Variants in PROP1 observed in about 807,000 individuals in gnomAD.
PROP1 encodes the protein homeobox protein prophet of Pit-1.
Under a neutral mutation model 22.3 loss-of-function variants are expected in PROP1, and 12 were observed. That is an observed-to-expected ratio of 0.54 (90% CI 0.34 to 0.87). The LOEUF (loss-of-function observed/expected upper bound fraction) is 0.87. PROP1 is among the 40% of genes least tolerant of loss of function. The pLI, the probability that PROP1 is intolerant of heterozygous loss-of-function variation, is 0.01. For synonymous variants in PROP1, 112 were observed against 116.7 expected (o/e 0.96, Z 0.26); for missense variants, 278 against 295.1 (o/e 0.94, Z 0.43).
chr5:177,993,058 G>A lies in PROP1; in HGVS notation c.343-11C>T, dbSNP rs781223542. ...GTTCTGGAACCAGACCTGAGAAGGGGTAGGAACCACATCAGAGCCCACACT... is the reference window on the plus strand; with the variant it reads ...GTTCTGGAACCAGACCTGAGAAGGGATAGGAACCACATCAGAGCCCACACT... On this transcript the variant is annotated splice_polypyrimidine_tract_variant and intron_variant, in intron 2 of 2. Coordinates refer to ENST00000308304, the MANE Select transcript of PROP1 (RefSeq NM_006261.5). 1.5e-5 allele frequency: 24 copies of A among 1,609,508 alleles called. No homozygotes were observed. In the Admixed American group the frequency reaches 4.0e-4, roughly 27 times the overall value.
chr5:177,995,620 G>T (rs1479270668), intron 1 of PROP1, among the ~76,000 whole-genome samples: 1 of 152,156 alleles, frequency 6.6e-6, no homozygotes, highest in Non-Finnish European at 1.5e-5. Context: ...CTGTTCAGCC[G>T]CCCCCTCCTG....
At position 177,995,859 on chromosome 5, in the gene PROP1, T is replaced by C; in HGVS notation, c.75A>G (p.Arg25=). 1 of 1,613,936 alleles carries C rather than the reference T, an allele frequency of 6.2e-7. No individual in the cohort carries two copies. Among genetic ancestry groups the C allele is most frequent in the Non-Finnish European group, 8.5e-7 (1 of 1,179,994 alleles). The change falls in exon 1 of 3, where the codon AGA becomes AGG. Residue 25 remains arginine, a synonymous_variant. Transcript: ENST00000308304. ...GRVGSNLLPE[R]HPATGTPTTT... ...TGGTCGGGGTCCCAGTGGCCGGGTG[T>C]CTCTCAGGCAACAGGTTGCTGCCGA...
intron 1 of PROP1, 63 bp from the exon 2 acceptor site, chr5:177,994,401 T>G: frequency 7.1e-7 from 1 of 1,404,426 alleles, no homozygotes; most frequent in Non-Finnish European, 9.7e-7. Context: ...CTGGACCACA[T>G]GTGCCTGTCC....
Position 177,995,535 on chromosome 5 carries a change from G to C in PROP1, c.109+290C>G, listed in dbSNP as rs4610479. Among the ~76,000 whole-genome samples, 84,601 of 150,566 alleles carry C rather than the reference G, an allele frequency of 0.56. 24,062 individuals carry two copies. The highest frequency in any genetic ancestry group is 0.6 in the Non-Finnish European group (40,674 of 67,636). On this transcript the variant is annotated intron_variant, in intron 1 of 2. Coordinates refer to ENST00000308304, the MANE Select transcript of PROP1 (RefSeq NM_006261.5). ...GCTCCCTTCATCAGAGAAGGCAGTG[G>C]CTTGGGCTAACCAACTCTGAGGTCA... is the stretch of plus-strand genomic sequence containing the variant.
In PROP1 at chr5:177,995,935, G is replaced by T; in HGVS notation, c.-2C>A. On this transcript the variant is annotated 5_prime_UTR_variant, in exon 1 of 3. Coordinates refer to ENST00000308304, the MANE Select transcript of PROP1 (RefSeq NM_006261.5). Reference sequence around the variant, plus strand: ...CTGGCGCCTCCTTTCTGCTTCCATGGCTCGCCACGGGGACCAAGTGTCCCT... The same window carrying T: ...CTGGCGCCTCCTTTCTGCTTCCATGTCTCGCCACGGGGACCAAGTGTCCCT... The T allele has an allele frequency of 6.2e-7, 1 of 1,611,622 alleles. No homozygotes were observed. Among genetic ancestry groups the T allele is most frequent in the Non-Finnish European group, 8.5e-7 (1 of 1,178,610 alleles).
Position 177,994,116 on chromosome 5 carries a change from G to A in PROP1, c.332C>T (p.Ala111Val), listed in dbSNP as rs1232006876. The change falls in exon 2 of 3, where the codon GCC becomes GTC. Residue 111 changes from alanine (A) to valine (V), a missense_variant. Coordinates refer to ENST00000308304, the MANE Select transcript of PROP1 (RefSeq NM_006261.5). ...ATCCTGGAGCATCACCTGGATTCGG[G>A]CCTCACTGAGGCCAGTGTCCCGGGC... is the stretch of plus-strand genomic sequence containing the variant. ...SLARDTGLSE[A>V]RIQVWFQNRR... 7 of 1,614,100 alleles carry A rather than the reference G, an allele frequency of 4.3e-6. No individual in the cohort carries two copies. The highest frequency in any genetic ancestry group is 5.9e-6 in the Non-Finnish European group (7 of 1,179,972).
rs772957734 is a variant in PROP1, at chr5:177,992,974, G to A, written c.416C>T (p.Ser139Phe). The stretch of plus-strand genomic sequence containing the variant: ...CAAGAAGCTGGAAAAGGCGGCAGGA[G>A]ACAGATGGGCCAGAGGCTGAAGCAG... ...RSLLQPLAHL[S>F]PAAFSSFLPE... The change falls in exon 3 of 3, where the codon TCT (serine) becomes TTT (phenylalanine). Residue 139 changes from serine (S) to phenylalanine (F), a missense_variant. By Grantham distance (155) the Ser-to-Phe change is radical. Coordinates refer to ENST00000308304, the MANE Select transcript of PROP1 (RefSeq NM_006261.5). 2 of 1,613,972 alleles carry A rather than the reference G, an allele frequency of 1.2e-6. No homozygotes were observed. Among genetic ancestry groups the A allele is most frequent in the Non-Finnish European group, 1.7e-6 (2 of 1,180,022 alleles).
At position 177,992,800 on chromosome 5, in the gene PROP1, G is replaced by A. The variant is rs1266058963; in HGVS notation, c.590C>T (p.Thr197Ile). 6.2e-7 allele frequency: 1 copy of A among 1,606,922 alleles called. No individual in the cohort carries two copies. Among genetic ancestry groups the A allele is most frequent in the Non-Finnish European group, 8.5e-7 (1 of 1,176,910 alleles). The change falls in exon 3 of 3, where the codon ACC (threonine) becomes ATC (isoleucine). Residue 197 changes from threonine to isoleucine, a missense_variant. By Grantham distance (89) the Thr-to-Ile change is moderately conservative. Transcript: ENST00000308304. ...LSHQSEDWYP[T>I]LHPAPAGHLP... Reference sequence around the variant, plus strand: ...ATGGCCGGCAGGGGCTGGGTGCAAGGTAGGGTACCAGTCCTCAGACTGGTG... The same window carrying A: ...ATGGCCGGCAGGGGCTGGGTGCAAGATAGGGTACCAGTCCTCAGACTGGTG...
chr5:177,994,015 T>A, intron 2 of PROP1, 91 bp downstream of exon 2: 1 of 1,382,016 alleles, frequency 7.2e-7, no homozygotes, highest in Non-Finnish European at 1.0e-6. Context: ...CTGGTGACCA[T>A]TTAGGTTAGG....
chr5:177,993,776 A>C (rs913902790), intron 2 of PROP1, among the ~76,000 whole-genome samples: 61 of 152,254 alleles, frequency 4.0e-4, no homozygotes, highest in African/African-American at 1.4e-3. Context: ...CATGTTAACC[A>C]GGCTGGTCTC....
chr5:177,992,644 C>T lies in PROP1; in HGVS notation c.*65G>A. On this transcript the variant is annotated 3_prime_UTR_variant, in exon 3 of 3. Coordinates refer to ENST00000308304, the MANE Select transcript of PROP1 (RefSeq NM_006261.5). ...CACCCATAGATGGAAAGGAAGCCAC[C>T]CCATTTTCTTGTCTTTTCACGAGGG... The T allele has an allele frequency of 8.7e-7, 1 of 1,146,628 alleles. No homozygotes were observed. The highest frequency in any genetic ancestry group is 1.2e-6 in the Non-Finnish European group (1 of 801,286). The allele number at this position is 1,146,628 out of a possible 1,614,324, so 71.0% of individuals were successfully genotyped here.
At position 177,993,011 on chromosome 5, in the gene PROP1, G is replaced by T. The variant is rs1416566937; in HGVS notation, c.379C>A (p.Gln127Lys). The change falls in exon 3 of 3, where the codon CAA (glutamine) becomes AAA (lysine). Residue 127 changes from glutamine (Q) to lysine (K), a missense_variant. Transcript: ENST00000308304. The stretch of plus-strand genomic sequence containing the variant: ...AGAGGCTGAAGCAGTGAGCGCTCTT[G>T]CTTCCGTTGCTTAGCTCTGCGGTTC... Reference protein sequence around the residue: ...FQNRRAKQRKQERSLLQPLAH... With the variant: ...FQNRRAKQRKKERSLLQPLAH... The T allele has an allele frequency of 6.2e-7, 1 of 1,613,928 alleles. No homozygotes were observed. The highest frequency in any genetic ancestry group is 8.5e-7 in the Non-Finnish European group (1 of 1,179,966).
Position 177,996,213 on chromosome 5 carries a change from T to C in PROP1, c.-280A>G, listed in dbSNP as rs1755765768. Reference sequence around the variant, plus strand: ...GTTGCTCTGTTTCTGACTACTTTTCTCTGCCTGGCCCTTCTCCCCACCGGG... The same window carrying C: ...GTTGCTCTGTTTCTGACTACTTTTCCCTGCCTGGCCCTTCTCCCCACCGGG... On this transcript the variant is annotated 5_prime_UTR_variant, in exon 1 of 3. Coordinates refer to ENST00000308304, the MANE Select transcript of PROP1 (RefSeq NM_006261.5). 2 of 493,462 alleles carry C rather than the reference T, an allele frequency of 4.1e-6. No individual in the cohort carries two copies. Among genetic ancestry groups the C allele is most frequent in the East Asian group, 7.5e-5 (2 of 26,824 alleles). The allele number at this position is 493,462 out of a possible 1,614,324, so 30.6% of individuals were successfully genotyped here. A position where few individuals can be genotyped will look rare whatever the true frequency, so the allele number is the denominator to read the frequency against.
rs748484817 is a variant in PROP1, at chr5:177,995,914, C to T, written c.20G>A (p.Arg7His). The T allele has an allele frequency of 4.3e-6, 7 of 1,613,750 alleles. No homozygotes were observed. The highest frequency in any genetic ancestry group is 3.3e-5 in the South Asian group (3 of 91,076). Residue 7 changes from arginine to histidine, a missense_variant, in exon 1 of 3, where the codon CGC (arginine) becomes CAC (histidine). Arg to His is a conservative substitution (Grantham distance 29). Coordinates refer to ENST00000308304, the MANE Select transcript of PROP1 (RefSeq NM_006261.5). MEAERR[R>H]QAEKPKKGRV... is the part of the protein sequence containing the mutation. ...CCCCTTCTTTGGCTTCTCAGCCTGG[C>T]GCCTCCTTTCTGCTTCCATGGCTCG...
chr5:177,992,896 G>C lies in PROP1; in HGVS notation c.494C>G (p.Thr165Ser), dbSNP rs1188606843. The C allele has an allele frequency of 6.2e-7, 1 of 1,613,786 alleles. No individual in the cohort carries two copies. ...YSYAAPPPPV[T>S]CFPHPYSHAL... is the part of the protein sequence containing the mutation. ...ATGGCTGTAGGGGTGAGGGAAGCAGGTCACTGGTGGTGGTGGTGCTGCGTA... is the reference window on the plus strand; with the variant it reads ...ATGGCTGTAGGGGTGAGGGAAGCAGCTCACTGGTGGTGGTGGTGCTGCGTA... The change falls in exon 3 of 3, where the codon ACC (threonine) becomes AGC (serine). Residue 165 changes from threonine to serine, a missense_variant. Physicochemically the swap from Thr to Ser is moderately conservative, Grantham distance 58. Coordinates refer to ENST00000308304, the MANE Select transcript of PROP1 (RefSeq NM_006261.5).
chr5:177,992,552 G>T lies in PROP1; in HGVS notation c.*157C>A. 2 of 629,198 alleles carry T rather than the reference G, an allele frequency of 3.2e-6. No homozygotes were observed. The highest frequency in any genetic ancestry group is 5.5e-6 in the Non-Finnish European group (2 of 361,254). 39.0% of individuals were successfully genotyped at this position (629,198 alleles called of 1,614,324 possible). On this transcript the variant is annotated 3_prime_UTR_variant, in exon 3 of 3. Transcript: ENST00000308304. ...CTTCCTCCACTAATCACCCCAGTGAGAATTCACCATGATCTCCCATTTTTA... is the reference window on the plus strand; with the variant it reads ...CTTCCTCCACTAATCACCCCAGTGATAATTCACCATGATCTCCCATTTTTA...
rs570212813 is a variant in PROP1 at position 177,994,615 on chromosome 5, A to T, written c.110-277T>A. Among the ~76,000 whole-genome samples, 12 of 152,064 alleles carry T rather than the reference A, an allele frequency of 7.9e-5. No individual in the cohort carries two copies. In the South Asian group the frequency reaches 2.1e-3, roughly 26 times the overall value. On this transcript the variant is annotated intron_variant, in intron 1 of 2. Transcript: ENST00000308304. ...AACATACCCAGCTAATTAAAAAAATAAAAAATTAGAGATGGGGTCTTGCTA... is the reference window on the plus strand; with the variant it reads ...AACATACCCAGCTAATTAAAAAAATTAAAAATTAGAGATGGGGTCTTGCTA...
rs376036991 is a variant in PROP1, at chr5:177,994,079, T to C, written c.342+27A>G. 6.8e-5 allele frequency: 110 copies of C among 1,609,520 alleles called. No individual in the cohort carries two copies. In the East Asian group the frequency reaches 2.0e-3, roughly 29 times the overall value. On this transcript the variant is annotated intron_variant, in intron 2 of 2. Transcript: ENST00000308304. ...ACCAAAGAAATCTGCATTTCTTTCC[T>C]GAGAGAGGAGGATCCTGGAGCATCA...
At chr5:177,994,389 T>A (rs983565106) in intron 1 of PROP1, 51 bp from the exon 2 acceptor site, 45 of 1,457,932 alleles carry the variant, frequency 3.1e-5, no homozygotes, top group Non-Finnish European at 4.2e-5. Context: ...CGCTCCTCGG[T>A]GCTGGACCAC....
Sources: gnomAD v4.1 joint callset for allele counts (sites outside exome capture counted in the v4.1 genomes callset) on GRCh38, gnomAD v4.1.1 for gene constraint, MANE v1.5 for transcripts, NCBI Gene and HGNC (gene_info 2026-07-23, HGNC 2026-07-21) for gene names.